The following CADPS variants were observed in gnomAD, a reference collection of about 807,000 sequenced individuals.
CADPS encodes calcium dependent secretion activator, also known as calcium-dependent secretion activator 1.
Under a neutral mutation model 167.3 loss-of-function variants are expected in CADPS, and 57 were observed. That is an observed-to-expected ratio of 0.34 (90% CI 0.28 to 0.42). The LOEUF is 0.42. Ranked by LOEUF, CADPS falls within the 20% of genes least tolerant of loss-of-function variation. The pLI is 1.00. For missense variants in CADPS, 1,414 were observed against 1,738.1 expected (o/e 0.81, Z 3.32); for synonymous variants, 676 against 635.3 (o/e 1.06, Z -0.96).
At chr3:62,721,392 G>A (rs933324001) in intron 3 of CADPS, among the ~76,000 whole-genome samples, 14 of 152,196 alleles carry the variant, frequency 9.2e-5, no homozygotes, top group South Asian at 2.1e-4. Flanking sequence ...TTACTTTACC[G>A]TGGAGGAGAG....
At chr3:62,746,470 G>C (rs1575769290) in intron 3 of CADPS, among the ~76,000 whole-genome samples, 1 of 152,104 alleles carries the variant, frequency 6.6e-6, no homozygotes, top group African/African-American at 2.4e-5. Context: ...CAAGTAAGCT[G>C]GGACCACAGG....
At chr3:62,846,054 GCTCTCTCTCTCTCTCTCT>G (rs112418953) in intron 1 of CADPS, among the ~76,000 whole-genome samples, 1 of 148,154 alleles carries the variant, frequency 6.7e-6, no homozygotes, top group African/African-American at 2.5e-5. Context: ...TTCCCCCTTT[GCTCTCTCTCTCTCTCTCT>G]CTCTCTCTCT....
intron 11 of CADPS, among the ~76,000 whole-genome samples, chr3:62,537,202 G>T (rs2074857831): frequency 6.6e-6 from 1 of 152,114 alleles, no homozygotes; most frequent in Non-Finnish European, 1.5e-5. Flanking sequence ...GAAAATAAAG[G>T]ACATTTCCTT....
intron 3 of CADPS, among the ~76,000 whole-genome samples, chr3:62,669,998 G>A (rs768238454): frequency 7.2e-5 from 11 of 152,140 alleles, no homozygotes; most frequent in Non-Finnish European, 1.2e-4. Context: ...TAATTAGCTC[G>A]AGATAGAGGG....
At chr3:62,726,547 G>C (rs1159834824) in intron 3 of CADPS, among the ~76,000 whole-genome samples, 2 of 151,900 alleles carry the variant, frequency 1.3e-5, no homozygotes, top group Non-Finnish European at 2.9e-5. Flanking sequence ...CTCACTAGAG[G>C]AGACATGGAA....
intron 10 of CADPS, among the ~76,000 whole-genome samples, chr3:62,557,063 A>AC (rs2078290478): frequency 6.6e-6 from 1 of 150,982 alleles, no homozygotes; most frequent in Admixed American, 6.6e-5. Flanking sequence ...CTTGGTGTAC[A>AC]TGTGGGACTA....
At chr3:62,525,677 T>TTGTGTGTGTGTGTGTG (rs1434165981) in intron 13 of CADPS, among the ~76,000 whole-genome samples, 2 of 79,390 alleles carry the variant, frequency 2.5e-5, no homozygotes, top group African/African-American at 5.5e-5. Context: ...TGTAATGTCA[T>TTGTGTGTGTGTGTGTG]TATGTGTGTG....
At chr3:62,599,792 TATATAATATATAATAAATA>T in intron 6 of CADPS, among the ~76,000 whole-genome samples, 2 of 32,132 alleles carry the variant, frequency 6.2e-5, no homozygotes, top group Non-Finnish European at 9.9e-5. Context: ...ATATATAATA[TATATAATATATAATAAATA>T]ATATATTATA....
chr3:62,586,756 G>A (rs2084738738), intron 7 of CADPS, among the ~76,000 whole-genome samples: 3 of 152,130 alleles, frequency 2.0e-5, no homozygotes, highest in African/African-American at 7.2e-5. Context: ...ATGTTGTTGA[G>A]CAATTAGCCC....
chr3:62,423,952 T>C (rs1018570844), intron 28 of CADPS, among the ~76,000 whole-genome samples: 1 of 152,368 alleles, frequency 6.6e-6, no homozygotes, highest in South Asian at 2.1e-4. Context: ...TAAACAGCCA[T>C]TTATTAGAAA....
intron 1 of CADPS, among the ~76,000 whole-genome samples, chr3:62,830,460 G>A (rs77699092): frequency 0.016 from 2,362 of 152,248 alleles, 63 homozygotes; most frequent in African/African-American, 0.053. Context: ...TGGTACACCA[G>A]GTGAGAAAAA....
chr3:62,466,032 C>G (rs1264300413), intron 25 of CADPS, among the ~76,000 whole-genome samples: 1 of 152,188 alleles, frequency 6.6e-6, no homozygotes, highest in African/African-American at 2.4e-5. Flanking sequence ...TACCGTTTAA[C>G]TTTCTGTATT....
intron 28 of CADPS, 120 bp downstream of exon 28, chr3:62,437,984 T>C: frequency 1.5e-6 from 1 of 661,842 alleles, no homozygotes; most frequent in South Asian, 1.9e-5. Flanking sequence ...AGGAAAAGAT[T>C]TAGTCTGAAT....
rs77286930 is a variant in CADPS, at chr3:62,771,072, T to G, written c.442-5088A>C. On this transcript the variant is annotated intron_variant, in intron 1 of 29. Coordinates refer to ENST00000383710, the MANE Select transcript of CADPS (RefSeq NM_003716.4). ...TTTATTTTAAAATTATACCTACTTT[T>G]CATTATCTATCTCTCTACAAGAATA... Among the ~76,000 whole-genome samples, 705 of 152,330 alleles carry G rather than the reference T, an allele frequency of 4.6e-3. 8 individuals are homozygous for G. Among genetic ancestry groups the G allele is most frequent in the South Asian group, 0.036 (172 of 4,824 alleles).
chr3:62,403,286 G>A, intron 28 of CADPS, 101 bp from the exon 29 acceptor site: 1 of 747,840 alleles, frequency 1.3e-6, no homozygotes, highest in Non-Finnish European at 2.3e-6. Context: ...TGTTCCAGGA[G>A]GAAACAAAAT....
chr3:62,858,425 C>A (rs1290237247), intron 1 of CADPS, among the ~76,000 whole-genome samples: 1 of 152,114 alleles, frequency 6.6e-6, no homozygotes, highest in African/African-American at 2.4e-5. Context: ...CTGATTGGAT[C>A]AACTTGGATC....
intron 3 of CADPS, among the ~76,000 whole-genome samples, chr3:62,736,065 A>C (rs910004152): frequency 1.4e-4 from 22 of 152,202 alleles, no homozygotes; most frequent in Non-Finnish European, 3.1e-4. Flanking sequence ...AAGTACCACA[A>C]GACTGCAAAG....
Position 62,586,006 on chromosome 3 carries a change from C to T in CADPS, c.1438-682G>A, listed in dbSNP as rs143748998. On this transcript the variant is annotated intron_variant, in intron 7 of 29. Coordinates refer to ENST00000383710, the MANE Select transcript of CADPS (RefSeq NM_003716.4). ...ATGGCAGTTTGATTTGGGTCTTCTGCATCCATTCTTATTGTCTGGAATTCT... is the reference window on the plus strand; with the variant it reads ...ATGGCAGTTTGATTTGGGTCTTCTGTATCCATTCTTATTGTCTGGAATTCT... 3.0e-3 allele frequency among the ~76,000 whole-genome samples: 458 copies of T among 152,342 alleles called. 4 individuals carry two copies. The highest frequency in any genetic ancestry group is 0.016 in the South Asian group (75 of 4,832).
intron 6 of CADPS, among the ~76,000 whole-genome samples, chr3:62,594,451 G>A (rs1042703012): frequency 6.6e-6 from 1 of 152,154 alleles, no homozygotes; most frequent in African/African-American, 2.4e-5. Context: ...GTGAGCCACC[G>A]CGCCCGGCCC....
Sources: gnomAD v4.1 joint callset for allele counts (sites outside exome capture counted in the v4.1 genomes callset) on GRCh38, gnomAD v4.1.1 for gene constraint, MANE v1.5 for transcripts, NCBI Gene and HGNC (gene_info 2026-07-23, HGNC 2026-07-21) for gene names.